Variants in CNST observed in about 807,000 individuals in gnomAD.
CNST encodes the protein consortin.
In CNST, 39 loss-of-function variants were observed where a neutral mutation model predicts 72.4. That is an observed-to-expected ratio of 0.54 (90% CI 0.42 to 0.70). The LOEUF is 0.70. Ranked by LOEUF, CNST falls within the 30% of genes least tolerant of loss-of-function variation. CNST has a pLI of 0.00. For missense variants in CNST, 871 were observed against 868.5 expected, an observed-to-expected ratio of 1.00 and a Z score of -0.04; for synonymous variants, 332 against 320.1, an observed-to-expected ratio of 1.04 and a Z score of -0.40.
intron 2 of CNST, among the ~76,000 whole-genome samples, chr1:246,616,241 C>G (rs1007800487): frequency 6.6e-6 from 1 of 152,028 alleles, no homozygotes; most frequent in Non-Finnish European, 1.5e-5. Flanking sequence ...ATCTTGAAAA[C>G]TTTTTGTGTA....
At chr1:246,590,200 G>A (rs1661457327) in intron 1 of CNST, among the ~76,000 whole-genome samples, 2 of 152,146 alleles carry the variant, frequency 1.3e-5, no homozygotes, top group Non-Finnish European at 2.9e-5. Context: ...AGGGGTCCAC[G>A]TGAAAGGGTC....
At chr1:246,604,547 TAAA>T (rs1169168004) in intron 2 of CNST, among the ~76,000 whole-genome samples, 1 of 152,158 alleles carries the variant, frequency 6.6e-6, no homozygotes, top group African/African-American at 2.4e-5. Flanking sequence ...TATGGAATAT[TAAA>T]GAAGGGGGGC....
At position 246,652,845 on chromosome 1, in the gene CNST, A is replaced by G. The variant is rs534478870; in HGVS notation, c.1836+4808A>G. Among the ~76,000 whole-genome samples the G allele has an allele frequency of 3.2e-3, 482 of 150,594 alleles. 3 individuals are homozygous for G. Among genetic ancestry groups the G allele is most frequent in the African/African-American group, 0.011 (464 of 40,628 alleles). Reference sequence around the variant, plus strand: ...CGGTGAAACCCCGTCTCTACTAAAAATACAAAAAACTAGCCGGGCGTGGTG... The same window carrying G: ...CGGTGAAACCCCGTCTCTACTAAAAGTACAAAAAACTAGCCGGGCGTGGTG... On this transcript the variant is annotated intron_variant, in intron 9 of 10. Transcript: ENST00000366513.
At chr1:246,655,701 A>C (rs1324046435) in intron 9 of CNST, among the ~76,000 whole-genome samples, 1 of 152,202 alleles carries the variant, frequency 6.6e-6, no homozygotes, top group Non-Finnish European at 1.5e-5. Flanking sequence ...AAAATAAGAT[A>C]TTTTCACATT....
chr1:246,658,761 C>T (rs1666902788), intron 9 of CNST, among the ~76,000 whole-genome samples: 1 of 152,126 alleles, frequency 6.6e-6, no homozygotes, highest in South Asian at 2.1e-4. Context: ...CAGCAAGTCA[C>T]TGACATCTTC....
chr1:246,606,564 G>T (rs957307728), intron 2 of CNST: 2 of 152,066 alleles, frequency 1.3e-5, no homozygotes, highest in South Asian at 2.1e-4. Flanking sequence ...GGGCTGAGGC[G>T]GTTTGGTTAG....
chr1:246,636,946 C>A (rs1044133346), intron 6 of CNST, among the ~76,000 whole-genome samples: 12 of 152,032 alleles, frequency 7.9e-5, no homozygotes, highest in Admixed American at 7.2e-4. Context: ...GGCAGCAGGG[C>A]GGCTACTGAC....
chr1:246,594,871 C>T (rs1370636322), intron 2 of CNST, among the ~76,000 whole-genome samples: 2 of 152,122 alleles, frequency 1.3e-5, no homozygotes, highest in African/African-American at 2.4e-5. Flanking sequence ...TTGTTGTTGT[C>T]GTCTGTATAA....
intron 9 of CNST, among the ~76,000 whole-genome samples, chr1:246,656,527 G>T (rs991254119): frequency 3.7e-4 from 57 of 152,240 alleles, no homozygotes; most frequent in African/African-American, 1.1e-3. Flanking sequence ...ATTTGTTTGG[G>T]TAAGAATTTG....
intron 3 of CNST, among the ~76,000 whole-genome samples, chr1:246,624,164 T>C (rs1664270528): frequency 6.6e-6 from 1 of 152,224 alleles, no homozygotes; most frequent in African/African-American, 2.4e-5. Context: ...AAGAATGCCT[T>C]TGAGGAAATG....
intron 10 of CNST, among the ~76,000 whole-genome samples, chr1:246,660,767 G>T (rs1667057731): frequency 6.6e-6 from 1 of 152,116 alleles, no homozygotes; most frequent in African/African-American, 2.4e-5. Flanking sequence ...TGTCAGTTTA[G>T]TTGCTTTATC....
At chr1:246,633,485 G>T (rs567138721) in intron 4 of CNST, among the ~76,000 whole-genome samples, 2 of 151,358 alleles carry the variant, frequency 1.3e-5, no homozygotes, top group Non-Finnish European at 2.9e-5. Flanking sequence ...ATTCATGCCT[G>T]TAATCCCAGC....
intron 8 of CNST, among the ~76,000 whole-genome samples, chr1:246,644,023 G>A (rs912482787): frequency 6.6e-6 from 1 of 152,138 alleles, no homozygotes; most frequent in East Asian, 1.9e-4. Context: ...TCGTGGCATA[G>A]CTGCTGTCCA....
chr1:246,585,654 A>T (rs1472986067), intron 1 of CNST, among the ~76,000 whole-genome samples: 6 of 91,196 alleles, frequency 6.6e-5, no homozygotes, highest in African/African-American at 3.7e-4. Context: ...AAAAAAAAAA[A>T]AAAAAAAAAT....
At chr1:246,664,626 C>T (rs1667298204) in intron 10 of CNST, among the ~76,000 whole-genome samples, 2 of 151,942 alleles carry the variant, frequency 1.3e-5, no homozygotes, top group Admixed American at 6.6e-5. Flanking sequence ...CGGGGTTTCA[C>T]CGTGTCAGCC....
intron 9 of CNST, among the ~76,000 whole-genome samples, chr1:246,659,815 T>C (rs1037924511): frequency 5.3e-5 from 8 of 152,218 alleles, no homozygotes; most frequent in African/African-American, 1.9e-4. Flanking sequence ...TGGAGGATTA[T>C]AAGCATTTAT....
At chr1:246,604,179 G>T in intron 2 of CNST, among the ~76,000 whole-genome samples, 1 of 152,248 alleles carries the variant, frequency 6.6e-6, no homozygotes, top group Non-Finnish European at 1.5e-5. Context: ...GCTTGAACCC[G>T]GGTGGCAGAG....
At chr1:246,655,825 A>G (rs1666741538) in intron 9 of CNST, among the ~76,000 whole-genome samples, 1 of 152,222 alleles carries the variant, frequency 6.6e-6, no homozygotes, top group Admixed American at 6.5e-5. Context: ...TTCGTCTGCA[A>G]AATGGGGCTG....
At chr1:246,568,942 C>T (rs1659892430) in intron 1 of CNST, among the ~76,000 whole-genome samples, 1 of 152,034 alleles carries the variant, frequency 6.6e-6, no homozygotes, top group African/African-American at 2.4e-5. Flanking sequence ...CTATGTTGCC[C>T]AGGCTGGTCT....
Sources: allele counts gnomAD v4.1 joint callset (sites outside exome capture counted in the v4.1 genomes callset), GRCh38; gene constraint gnomAD v4.1.1; transcripts MANE v1.5; gene names NCBI Gene and HGNC (gene_info 2026-07-23, HGNC 2026-07-21).